PPP2CA: variants seen among roughly 807,000 people sequenced by gnomAD.
The protein encoded by PPP2CA is protein phosphatase 2 catalytic subunit alpha, also known as serine/threonine-protein phosphatase 2A catalytic subunit alpha isoform.
Under a neutral mutation model 38.8 loss-of-function variants are expected in PPP2CA, and 5 were observed. That is an observed-to-expected ratio of 0.13 (90% confidence interval 0.07 to 0.27). PPP2CA has a LOEUF of 0.27. PPP2CA is among the 10% of genes least tolerant of loss of function. PPP2CA has a pLI of 1.00. For missense variants in PPP2CA, 88 were observed against 389.7 expected (o/e 0.23, Z 6.52); for synonymous variants, 152 against 134.0 (o/e 1.13, Z -0.93).
intron 1 of PPP2CA, among the ~76,000 whole-genome samples, chr5:134,211,674 A>C (rs1762205427): frequency 2.0e-5 from 3 of 147,844 alleles, no homozygotes; most frequent in Non-Finnish European, 3.0e-5. Flanking sequence ...ACAGGATTTC[A>C]CCATCTTGCC....
At chr5:134,205,434 T>C (rs1273117216) in intron 2 of PPP2CA, among the ~76,000 whole-genome samples, 1 of 151,802 alleles carries the variant, frequency 6.6e-6, no homozygotes, top group Non-Finnish European at 1.5e-5. Flanking sequence ...CAGGCTGGCG[T>C]GTAGTGGCGC....
chr5:134,211,993 A>G (rs6875334), intron 1 of PPP2CA, among the ~76,000 whole-genome samples: 117,452 of 151,850 alleles, frequency 0.77, 45,876 homozygotes, highest in Non-Finnish European at 0.82. Context: ...GGTGGCAGGC[A>G]CCTGTAATCC....
Position 134,197,816 on chromosome 5 carries a change from C to T in PPP2CA, c.886G>A (p.Gly296Ser). 6.2e-7 allele frequency: 1 copy of T among 1,614,062 alleles called. No individual in the cohort carries two copies. The highest frequency in any genetic ancestry group is 2.2e-5 in the East Asian group (1 of 44,886). ...FLQFDPAPRR[G>S]EPHVTRRTPD... ...GTACGACGAGTAACATGTGGCTCGC[C>T]TCTACGAGGTGCTGGGTCAAACTGC... The change falls in exon 7 of 7, where the codon GGC (glycine) becomes AGC (serine). Residue 296 changes from glycine (G) to serine (S), a missense_variant. Coordinates refer to ENST00000481195, the MANE Select transcript of PPP2CA (RefSeq NM_002715.4).
At chr5:134,221,392 C>T (rs761333428) in intron 1 of PPP2CA, among the ~76,000 whole-genome samples, 12 of 152,004 alleles carry the variant, frequency 7.9e-5, no homozygotes, top group Non-Finnish European at 1.3e-4. Flanking sequence ...GGATTACAGG[C>T]GTGTGAGCCA....
chr5:134,209,295 T>C (rs1341495794), intron 1 of PPP2CA, among the ~76,000 whole-genome samples: 1 of 151,392 alleles, frequency 6.6e-6, no homozygotes, highest in Non-Finnish European at 1.5e-5. Context: ...AAAAAAATCA[T>C]CCAATCAACT....
At chr5:134,213,476 C>G (rs1420667365) in intron 1 of PPP2CA, among the ~76,000 whole-genome samples, 1 of 151,914 alleles carries the variant, frequency 6.6e-6, no homozygotes, top group Admixed American at 6.6e-5. Context: ...ACACCAAAAC[C>G]CCATCTCTAC....
chr5:134,217,604 T>A (rs1762348873), intron 1 of PPP2CA, among the ~76,000 whole-genome samples: 2 of 152,238 alleles, frequency 1.3e-5, no homozygotes, highest in African/African-American at 4.8e-5. Context: ...TATGTCATTT[T>A]GATAATTGTG....
At chr5:134,214,443 A>G (rs944284823) in intron 1 of PPP2CA, among the ~76,000 whole-genome samples, 2 of 152,238 alleles carry the variant, frequency 1.3e-5, no homozygotes, top group Admixed American at 1.3e-4. Context: ...TTGTGGGATT[A>G]CAGGGCAAAA....
At position 134,226,004 on chromosome 5, in the gene PPP2CA, C is replaced by T. The variant is rs1189093648; in HGVS notation, c.-143G>A. ...CTGGCGCTGGCCCGCTGGCTCTCAC[C>T]GCAGTACTCGGCCGTCGGCCGCTGC... On this transcript the variant is annotated 5_prime_UTR_variant, in exon 1 of 7. Transcript: ENST00000481195. 16 of 671,744 alleles carry T rather than the reference C, an allele frequency of 2.4e-5. No individual in the cohort carries two copies. The highest frequency in any genetic ancestry group is 1.6e-4 in the East Asian group (5 of 31,988). The allele number at this position is 671,744 out of a possible 1,614,324, so 41.6% of individuals were successfully genotyped here. A position where few individuals can be genotyped will look rare whatever the true frequency, so the allele number is the denominator to read the frequency against.
intron 1 of PPP2CA, among the ~76,000 whole-genome samples, chr5:134,210,123 T>G (rs1762173965): frequency 6.7e-6 from 1 of 149,796 alleles, no homozygotes; most frequent in Non-Finnish European, 1.5e-5. Flanking sequence ...AAAAAAAAAC[T>G]AAAAACAAAA....
At chr5:134,203,508 T>C (rs1762010841) in intron 2 of PPP2CA, 1 of 152,236 alleles carries the variant, frequency 6.6e-6, no homozygotes, top group Admixed American at 6.5e-5. Context: ...TCTCCTTGAT[T>C]TATGGATGCT....
intron 1 of PPP2CA, among the ~76,000 whole-genome samples, chr5:134,222,992 T>G (rs2300069): frequency 6.6e-6 from 1 of 151,444 alleles, no homozygotes; most frequent in Admixed American, 6.6e-5. Flanking sequence ...TGTTGATGGG[T>G]TAACAAAATA....
At chr5:134,219,530 C>T (rs1280927846) in intron 1 of PPP2CA, among the ~76,000 whole-genome samples, 1 of 152,192 alleles carries the variant, frequency 6.6e-6, no homozygotes, top group African/African-American at 2.4e-5. Flanking sequence ...GTAGTAGCAA[C>T]TAAATGACTA....
Position 134,197,511 on chromosome 5 carries a change from T to A in PPP2CA, c.*261A>T. ...GTCTCTCAGAGAAAGCAAAAGTAACTACAAATAGCGCTATGCCAGAAACTG... is the reference window on the plus strand; with the variant it reads ...GTCTCTCAGAGAAAGCAAAAGTAACAACAAATAGCGCTATGCCAGAAACTG... On this transcript the variant is annotated 3_prime_UTR_variant, in exon 7 of 7. Transcript: ENST00000481195. The A allele has an allele frequency of 2.2e-6, 1 of 463,422 alleles. No homozygotes were observed. The highest frequency in any genetic ancestry group is 3.3e-5 in the East Asian group (1 of 30,028). 28.7% of individuals were successfully genotyped at this position (463,422 alleles called of 1,614,324 possible). A position where few individuals can be genotyped will look rare whatever the true frequency, so the allele number is the denominator to read the frequency against.
chr5:134,208,995 CTG>C (rs1762143781), intron 1 of PPP2CA, among the ~76,000 whole-genome samples: 1 of 152,090 alleles, frequency 6.6e-6, no homozygotes. Flanking sequence ...ATTTTCTCCT[CTG>C]TATACATATG....
chr5:134,217,606 A>G lies in PPP2CA; in HGVS notation c.102+8154T>C, dbSNP rs544790008. On this transcript the variant is annotated intron_variant, in intron 1 of 6. Transcript: ENST00000481195. Reference sequence around the variant, plus strand: ...ACGGTTGGTTTGATATGTCATTTTGATAATTGTGCAAAAAAATCCAAGGTT... The same window carrying G: ...ACGGTTGGTTTGATATGTCATTTTGGTAATTGTGCAAAAAAATCCAAGGTT... 4.6e-5 allele frequency among the ~76,000 whole-genome samples: 7 copies of G among 152,294 alleles called. 1 individual carries two copies. Among genetic ancestry groups the G allele is most frequent in the South Asian group, 2.1e-4 (1 of 4,828 alleles).
intron 5 of PPP2CA, 104 bp downstream of exon 5, chr5:134,200,231 A>G (rs1325987470): frequency 1.6e-6 from 2 of 1,267,460 alleles, no homozygotes; most frequent in African/African-American, 1.5e-5. Context: ...ATCAGAAGGA[A>G]TAGATGGAAT....
chr5:134,202,204 C>T, intron 2 of PPP2CA, 183 bp from the exon 3 acceptor site: 1 of 522,210 alleles, frequency 1.9e-6, no homozygotes, highest in Non-Finnish European at 3.2e-6. Flanking sequence ...GGGTGTTTGC[C>T]CACCTCATCT....
chr5:134,224,196 G>C (rs545229569), intron 1 of PPP2CA: 3 of 438,394 alleles, frequency 6.8e-6, no homozygotes, highest in Non-Finnish European at 9.1e-6. Flanking sequence ...TAGAAATTAA[G>C]ACCTGGCAAT....
Sources: allele counts gnomAD v4.1 joint callset (sites outside exome capture counted in the v4.1 genomes callset), GRCh38; gene constraint gnomAD v4.1.1; transcripts MANE v1.5; gene names NCBI Gene and HGNC (gene_info 2026-07-23, HGNC 2026-07-21).